EPM2A: variants seen among roughly 807,000 people sequenced by gnomAD.
EPM2A encodes the protein laforin.
Under a neutral mutation model 26.5 loss-of-function variants are expected in EPM2A, and 21 were observed. That is an observed-to-expected ratio of 0.79 (90% CI 0.56 to 1.14). The LOEUF (loss-of-function observed/expected upper bound fraction) is 1.14, where lower values mean the gene tolerates loss of function less well. EPM2A is among the 50% of genes most tolerant of loss of function. The probability of loss-of-function intolerance (pLI) is 0.00; values close to 1 mark genes in which losing one functional copy is unlikely to be tolerated. For missense variants in EPM2A, 458 were observed against 440.8 expected, an observed-to-expected ratio of 1.04 and a Z score of -0.35; for synonymous variants, 217 against 177.6, an observed-to-expected ratio of 1.22 and a Z score of -1.76.
intron 2 of EPM2A, among the ~76,000 whole-genome samples, chr6:145,645,860 C>G (rs1264817936): frequency 1.3e-5 from 2 of 152,100 alleles, no homozygotes; most frequent in Non-Finnish European, 2.9e-5. Context: ...TCTCAAAGTG[C>G]TAGGATTATA....
chr6:145,727,911 G>A (rs887891654), intron 1 of EPM2A, among the ~76,000 whole-genome samples: 1 of 152,142 alleles, frequency 6.6e-6, no homozygotes, highest in Non-Finnish European at 1.5e-5. Context: ...GAGGGGCCTG[G>A]TGAGAGACGA....
In EPM2A at chr6:145,686,387, A is replaced by G. The variant is rs1242880064; in HGVS notation, c.302-91T>C. On this transcript the variant is annotated intron_variant, in intron 1 of 3. Coordinates refer to ENST00000367519, the MANE Select transcript of EPM2A (RefSeq NM_005670.4). ...AGCTGATACAAAATTAATAGCAAGA[A>G]AAAAATAAACATAAAGCTACTTAAT... The G allele has an allele frequency of 6.9e-6, 7 of 1,016,046 alleles. No homozygotes were observed. In the African/African-American group the frequency reaches 8.0e-5, roughly 12 times the overall value. 62.9% of individuals were successfully genotyped at this position (1,016,046 alleles called of 1,614,324 possible).
chr6:145,724,553 C>A (rs1320969550), intron 1 of EPM2A, among the ~76,000 whole-genome samples: 1 of 151,966 alleles, frequency 6.6e-6, no homozygotes, highest in Non-Finnish European at 1.5e-5. Flanking sequence ...AGAGCCAACA[C>A]AATTTTGAAG....
chr6:145,558,922 G>T (rs562548650), intron 2 of EPM2A, among the ~76,000 whole-genome samples: 47 of 152,058 alleles, frequency 3.1e-4, no homozygotes, highest in African/African-American at 9.6e-4. Flanking sequence ...CTTTTATAAG[G>T]CTGGTGGGCT....
intron 1 of EPM2A, 58 bp from the exon 2 acceptor site, chr6:145,686,354 C>T (rs1780914093): frequency 7.5e-7 from 1 of 1,337,410 alleles, no homozygotes; most frequent in African/African-American, 1.4e-5. Context: ...TTTAAATATC[C>T]TCAAAGCAGC....
chr6:145,452,489 C>CAAAAAAAA (rs563777945), intron 4 of EPM2A, among the ~76,000 whole-genome samples: 51 of 75,864 alleles, frequency 6.7e-4, no homozygotes, highest in African/African-American at 2.1e-3. Context: ...ACTAAAAATA[C>CAAAAAAAA]AAAAAAAAAA....
At chr6:145,472,378 A>C (rs972889196) in intron 4 of EPM2A, among the ~76,000 whole-genome samples, 2 of 151,820 alleles carry the variant, frequency 1.3e-5, no homozygotes, top group Non-Finnish European at 2.9e-5. Flanking sequence ...CTCTGAGACA[A>C]GCAGAGGGAA....
intron 2 of EPM2A, among the ~76,000 whole-genome samples, chr6:145,598,429 T>A (rs1781377040): frequency 6.6e-6 from 1 of 152,192 alleles, no homozygotes; most frequent in South Asian, 2.1e-4. Flanking sequence ...TAGGTTGTTT[T>A]TCTCTTGTAA....
intron 4 of EPM2A, among the ~76,000 whole-genome samples, chr6:145,459,322 G>T (rs546534952): frequency 6.6e-5 from 10 of 152,280 alleles, no homozygotes; most frequent in Non-Finnish European, 1.2e-4. Context: ...GATAAGGTGG[G>T]AATCTTTATC....
intron 2 of EPM2A, among the ~76,000 whole-genome samples, chr6:145,664,815 C>G (rs1779038476): frequency 6.6e-6 from 1 of 152,054 alleles, no homozygotes; most frequent in South Asian, 2.1e-4. Flanking sequence ...CAAACTGTCT[C>G]TCAGACCACA....
rs6570681 is a variant in EPM2A at position 145,431,805 on chromosome 6, C to T, written c.556-47708G>A. ...TTTCATAAATAATTTCTCTGGAGCACGCCCTGTTTTTTGACTTAATAGCAT... is the reference window on the plus strand; with the variant it reads ...TTTCATAAATAATTTCTCTGGAGCATGCCCTGTTTTTTGACTTAATAGCAT... On this transcript the variant is annotated intron_variant, in intron 4 of 4. Coordinates refer to the EPM2A transcript ENST00000638717. Among the ~76,000 whole-genome samples the T allele has an allele frequency of 1.4e-3, 211 of 152,210 alleles. 2 individuals are homozygous for T. The highest frequency in any genetic ancestry group is 1.8e-3 in the Admixed American group (28 of 15,290).
intron 2 of EPM2A, among the ~76,000 whole-genome samples, chr6:145,610,747 T>G (rs1775375051): frequency 6.6e-6 from 1 of 152,240 alleles, no homozygotes; most frequent in African/African-American, 2.4e-5. Context: ...ATATCCTTCT[T>G]CAGACTTGTT....
chr6:145,583,619 G>A (rs1439506756), intron 2 of EPM2A, among the ~76,000 whole-genome samples: 1 of 152,216 alleles, frequency 6.6e-6, no homozygotes, highest in East Asian at 1.9e-4. Flanking sequence ...TTTGTAGGAG[G>A]AGTGGCATGG....
chr6:145,525,343 T>C (rs1210908685), intron 2 of EPM2A, among the ~76,000 whole-genome samples: 1 of 152,056 alleles, frequency 6.6e-6, no homozygotes, highest in South Asian at 2.1e-4. Context: ...TTTTGAAGAA[T>C]GACACTGGTA....
intron 2 of EPM2A, among the ~76,000 whole-genome samples, chr6:145,520,914 C>T (rs890547244): frequency 6.6e-6 from 1 of 152,102 alleles, no homozygotes; most frequent in Non-Finnish European, 1.5e-5. Context: ...TTAGAGGGAA[C>T]AGCAAGTTCC....
At chr6:145,668,920 C>A (rs1779440828) in intron 2 of EPM2A, among the ~76,000 whole-genome samples, 2 of 152,096 alleles carry the variant, frequency 1.3e-5, no homozygotes, top group African/African-American at 4.8e-5. Context: ...GAAAATAATT[C>A]TTTCATTATA....
chr6:145,514,219 T>C (rs1780094226), intron 2 of EPM2A, among the ~76,000 whole-genome samples: 1 of 152,190 alleles, frequency 6.6e-6, no homozygotes, highest in Non-Finnish European at 1.5e-5. Flanking sequence ...TAGAGGCAGT[T>C]ATCTTGCAAG....
At chr6:145,658,873 T>C (rs571297223) in intron 2 of EPM2A, among the ~76,000 whole-genome samples, 1 of 152,312 alleles carries the variant, frequency 6.6e-6, no homozygotes, top group African/African-American at 2.4e-5. Context: ...CATTTTCCTA[T>C]TGTGTTTGTA....
chr6:145,621,234 T>C (rs191663419), downstream of EPM2A, among the ~76,000 whole-genome samples: 12 of 152,356 alleles, frequency 7.9e-5, no homozygotes, highest in African/African-American at 2.9e-4. Flanking sequence ...TAGCACAAGG[T>C]CCTCAAGTTT....
Sources: allele counts gnomAD v4.1 joint callset (sites outside exome capture counted in the v4.1 genomes callset), GRCh38; gene constraint gnomAD v4.1.1; transcripts MANE v1.5; gene names NCBI Gene and HGNC (gene_info 2026-07-23, HGNC 2026-07-21).